The following LNP1 variants were observed in gnomAD, a reference collection of about 807,000 sequenced individuals.
LNP1 encodes leukemia NUP98 fusion partner 1.
A neutral mutation model predicts 14.5 loss-of-function variants in LNP1; 12 were observed. The ratio of observed to expected loss-of-function variants is 0.83; its 90% CI spans 0.53 to 1.34. The LOEUF (loss-of-function observed/expected upper bound fraction) is 1.34. LNP1 is among the 40% of genes most tolerant of loss of function. The probability of loss-of-function intolerance (pLI) is 0.00; values close to 1 mark genes in which losing one functional copy is unlikely to be tolerated. For missense variants in LNP1, 198 were observed against 210.9 expected, an observed-to-expected ratio of 0.94 and a Z score of 0.38; for synonymous variants, 75 against 71.4, an observed-to-expected ratio of 1.05 and a Z score of -0.26.
intron 1 of LNP1, among the ~76,000 whole-genome samples, chr3:100,412,976 A>G (rs144134853): frequency 1.6e-4 from 24 of 152,346 alleles, no homozygotes; most frequent in African/African-American, 5.1e-4. Context: ...ACAAGTTTCT[A>G]ACTGATATTG....
chr3:100,425,179 A>C (rs897019778), intron 1 of LNP1, among the ~76,000 whole-genome samples: 1 of 152,194 alleles, frequency 6.6e-6, no homozygotes, highest in African/African-American at 2.4e-5. Flanking sequence ...CAGTTACCCC[A>C]ATGAAAACAT....
At chr3:100,428,968 G>A (rs554247620) in intron 1 of LNP1, among the ~76,000 whole-genome samples, 1 of 152,304 alleles carries the variant, frequency 6.6e-6, no homozygotes, top group East Asian at 1.9e-4. Flanking sequence ...TGGATTGGAA[G>A]GGGGATACAT....
chr3:100,404,497 A>T (rs549793893), intron 1 of LNP1, among the ~76,000 whole-genome samples: 59 of 152,340 alleles, frequency 3.9e-4, no homozygotes, highest in African/African-American at 1.3e-3. Context: ...CATGTGGCTA[A>T]TGACTACCAT....
At chr3:100,449,007 A>G (rs7372912) in intron 2 of LNP1, among the ~76,000 whole-genome samples, 151,986 of 152,372 alleles carry the variant, frequency 1, 75,801 homozygotes, top group Middle Eastern at 1. Context: ...ACATTATCAG[A>G]TATGGAGAAT....
At chr3:100,430,448 C>A (rs1030830057) in intron 2 of LNP1, among the ~76,000 whole-genome samples, 4 of 152,170 alleles carry the variant, frequency 2.6e-5, no homozygotes, top group African/African-American at 9.7e-5. Flanking sequence ...CACCTGATAT[C>A]TGAGGAACAA....
At chr3:100,406,845 T>C (rs2148898134) in intron 1 of LNP1, among the ~76,000 whole-genome samples, 1 of 152,362 alleles carries the variant, frequency 6.6e-6, no homozygotes, top group Admixed American at 6.5e-5. Flanking sequence ...TTTTTATTTT[T>C]AGTGTATCTA....
rs1199307001 is a variant in LNP1 at position 100,401,567 on chromosome 3, C to G, written c.-906C>G. 1 of 153,054 alleles carries G rather than the reference C, an allele frequency of 6.5e-6. No homozygotes were observed. Among genetic ancestry groups the G allele is most frequent in the African/African-American group, 2.4e-5 (1 of 41,462 alleles). The allele number at this position is 153,054 out of a possible 1,614,324, so 9.5% of individuals were successfully genotyped here. A position where few individuals can be genotyped will look rare whatever the true frequency, so the allele number is the denominator to read the frequency against. ...TTTCCAGTTATAGCCACGTTGGCAC[C>G]TCTTGAACCTCTGTGGCCGTTAGCA... On this transcript the variant is annotated 5_prime_UTR_variant, in exon 1 of 4. Transcript: ENST00000383693.
rs1464232460 is a variant in LNP1 at position 100,422,425 on chromosome 3, C to T, written c.-33-7272C>T. The stretch of plus-strand genomic sequence containing the variant: ...GTCTTGATCTCCTGACCTTGTGATC[C>T]GCCTGCCTCAGCCTCCCAAAAAGTT... On this transcript the variant is annotated intron_variant, in intron 1 of 3. Coordinates refer to ENST00000383693, the MANE Select transcript of LNP1 (RefSeq NM_001085451.2). Among the ~76,000 whole-genome samples the T allele has an allele frequency of 3.3e-5, 5 of 152,026 alleles. No homozygotes were observed. The South Asian group carries it at 6.2e-4, about 19-fold the overall frequency.
At chr3:100,449,921 C>T (rs571894283) in intron 2 of LNP1, among the ~76,000 whole-genome samples, 20 of 152,264 alleles carry the variant, frequency 1.3e-4, no homozygotes, top group African/African-American at 4.3e-4. Flanking sequence ...AAGGCAGGAC[C>T]TTAGCTATCA....
In LNP1 at chr3:100,456,048, A is replaced by T. The variant is rs1285768724; in HGVS notation, c.*122A>T. 2.9e-6 allele frequency: 3 copies of T among 1,020,172 alleles called. No homozygotes were observed. Among genetic ancestry groups the T allele is most frequent in the Admixed American group, 2.4e-5 (1 of 41,362 alleles). 63.2% of individuals were successfully genotyped at this position (1,020,172 alleles called of 1,614,324 possible). On this transcript the variant is annotated 3_prime_UTR_variant, in exon 4 of 4. Transcript: ENST00000383693. ...GGGGGTAAAAACAGCTATAAAAAGC[A>T]ACTGCAGATGCTGACTGACTGCAGT...
At chr3:100,454,008 G>A (rs778777356) in intron 3 of LNP1, among the ~76,000 whole-genome samples, 2 of 151,940 alleles carry the variant, frequency 1.3e-5, no homozygotes, top group Admixed American at 1.3e-4. Context: ...TGTCTTTCAC[G>A]ACATTAGCTA....
At chr3:100,450,247 TA>T (rs573089283) in intron 2 of LNP1, among the ~76,000 whole-genome samples, 26 of 147,988 alleles carry the variant, frequency 1.8e-4, no homozygotes, top group African/African-American at 5.9e-4. Context: ...CAAACAACAA[TA>T]AAAAAACAGT....
chr3:100,422,182 C>CTTTTTTT (rs35862297), intron 1 of LNP1, among the ~76,000 whole-genome samples: 2 of 101,616 alleles, frequency 2.0e-5, no homozygotes, highest in African/African-American at 4.2e-5. Flanking sequence ...TTGATAAAGT[C>CTTTTTTT]TTTTTTTTTT....
Position 100,401,783 on chromosome 3 carries a change from G to T in LNP1, c.-690G>T, listed in dbSNP as rs764768260. On this transcript the variant is annotated 5_prime_UTR_variant, in exon 1 of 4. Coordinates refer to ENST00000383693, the MANE Select transcript of LNP1 (RefSeq NM_001085451.2). ...GATGGCAGAAGACTAGGTGGAAATG[G>T]CACATCTAGGTTGGCTGCAGTCGAA... is the stretch of plus-strand genomic sequence containing the variant. The T allele has an allele frequency of 2.0e-5, 3 of 152,248 alleles. No homozygotes were observed. The highest frequency in any genetic ancestry group is 4.4e-5 in the Non-Finnish European group (3 of 68,050). The allele number at this position is 152,248 out of a possible 1,614,324, so 9.4% of individuals were successfully genotyped here.
chr3:100,417,371 C>CTTTTTTTTTTTTTTTTTTTTTT (rs562000656), intron 1 of LNP1, among the ~76,000 whole-genome samples: 6 of 64,628 alleles, frequency 9.3e-5, no homozygotes, highest in African/African-American at 1.1e-4. Context: ...TTTCTTTTTT[C>CTTTTTTTTTTTTTTTTTTTTTT]TTTTTTTTTT....
At chr3:100,420,028 C>T (rs745385217) in intron 1 of LNP1, among the ~76,000 whole-genome samples, 11 of 152,194 alleles carry the variant, frequency 7.2e-5, no homozygotes, top group Non-Finnish European at 1.6e-4. Flanking sequence ...GCTTCCTCTT[C>T]AACATTTGGT....
chr3:100,411,027 G>A (rs1461358620), intron 1 of LNP1, among the ~76,000 whole-genome samples: 3 of 152,186 alleles, frequency 2.0e-5, no homozygotes, highest in Non-Finnish European at 4.4e-5. Context: ...TCCTTAAGCT[G>A]AAGGGGCAAG....
intron 2 of LNP1, among the ~76,000 whole-genome samples, chr3:100,433,027 T>C (rs1707256985): frequency 6.6e-6 from 1 of 152,166 alleles, no homozygotes; most frequent in Non-Finnish European, 1.5e-5. Context: ...AGAATAAGTC[T>C]CTACCGATGT....
chr3:100,455,915 G>A lies in LNP1; in HGVS notation c.526G>A (p.Gly176Arg), dbSNP rs1707506599. The A allele has an allele frequency of 6.2e-7, 1 of 1,611,336 alleles. No individual in the cohort carries two copies. Among genetic ancestry groups the A allele is most frequent in the Non-Finnish European group, 8.5e-7 (1 of 1,179,394 alleles). ...EAHMAPLFEK[G>R]PE ...ACACATGGCTCCCCTGTTTGAAAAAGGGCCTGAATAATACTCTGCTTCTGC... is the reference window on the plus strand; with the variant it reads ...ACACATGGCTCCCCTGTTTGAAAAAAGGCCTGAATAATACTCTGCTTCTGC... The change falls in exon 4 of 4, where the codon GGG becomes AGG. Residue 176 changes from glycine to arginine, a missense_variant. Transcript: ENST00000383693.
Sources: allele counts gnomAD v4.1 joint callset (sites outside exome capture counted in the v4.1 genomes callset), GRCh38; gene constraint gnomAD v4.1.1; transcripts MANE v1.5; gene names NCBI Gene and HGNC (gene_info 2026-07-23, HGNC 2026-07-21).